ZNF596: variants seen among roughly 807,000 people sequenced by gnomAD.
The protein encoded by ZNF596 is zinc finger protein 596.
Under a neutral mutation model 48.3 loss-of-function variants are expected in ZNF596, and 45 were observed. The observed-to-expected ratio is 0.93, with a 90% CI of 0.73 to 1.19. ZNF596 has a LOEUF of 1.19. ZNF596 is among the 50% of genes most tolerant of loss of function. The probability of loss-of-function intolerance (pLI) is 0.00; values close to 1 mark genes in which losing one functional copy is unlikely to be tolerated. For missense variants in ZNF596, 848 were observed against 599.7 expected (o/e 1.41, Z -4.32); for synonymous variants, 270 against 202.0 (o/e 1.34, Z -2.85).
chr8:232,570 C>T lies in ZNF596; in HGVS notation c.-197C>T. 6.3e-6 allele frequency: 2 copies of T among 319,246 alleles called. No homozygotes were observed. The highest frequency in any genetic ancestry group is 1.3e-5 in the Non-Finnish European group (2 of 155,694). 19.8% of individuals were successfully genotyped at this position (319,246 alleles called of 1,614,324 possible). On this transcript the variant is annotated 5_prime_UTR_variant, in exon 1 of 6. The change creates a premature stop within an existing upstream ORF in the 5' untranslated region. Coordinates refer to ENST00000398612, the MANE Select transcript of ZNF596 (RefSeq NM_001042416.3). ...AGTCCCGCGACGCCCGGAAATGCTC[C>T]GAAGCCTGTCGCCCAGCTGCCAGAT... is the stretch of plus-strand genomic sequence containing the variant.
chr8:243,291 T>G, intron 3 of ZNF596: 1 of 318,942 alleles, frequency 3.1e-6, no homozygotes, highest in Non-Finnish European at 5.8e-6. Flanking sequence ...AAAGTTATGG[T>G]AATTCACTGC....
At chr8:236,125 T>C (rs1464451389) in intron 1 of ZNF596, among the ~76,000 whole-genome samples, 1 of 152,236 alleles carries the variant, frequency 6.6e-6, no homozygotes. Context: ...TCATTAAGTT[T>C]TAAAATTTAT....
chr8:234,455 TAAAG>T (rs927596117), intron 1 of ZNF596: 1 of 152,172 alleles, frequency 6.6e-6, no homozygotes, highest in African/African-American at 2.4e-5. Context: ...GTGGTTGTGG[TAAAG>T]AAAGAGGGTG....
chr8:237,907 A>G (rs1796683933), intron 1 of ZNF596, among the ~76,000 whole-genome samples: 2 of 152,210 alleles, frequency 1.3e-5, no homozygotes, highest in East Asian at 3.9e-4. Flanking sequence ...CTTCCTAGGC[A>G]CCATGAGGTC....
At chr8:238,665 G>A (rs934207554) in intron 1 of ZNF596, among the ~76,000 whole-genome samples, 8 of 149,154 alleles carry the variant, frequency 5.4e-5, no homozygotes, top group Non-Finnish European at 1.2e-4. Flanking sequence ...AAATTAGCTG[G>A]TCGTGGTGAC....
intron 5 of ZNF596, 75 bp downstream of exon 5, chr8:244,776 G>GTCAGGTACCT: frequency 8.1e-7 from 1 of 1,227,286 alleles, no homozygotes; most frequent in Non-Finnish European, 1.2e-6. Context: ...ATTTGGTACA[G>GTCAGGTACCT]GTACCTGACT....
At chr8:232,896 A>G in intron 1 of ZNF596, 1 of 468,150 alleles carries the variant, frequency 2.1e-6, no homozygotes, top group South Asian at 1.6e-5. Context: ...AGACTGGGGT[A>G]GGGGACCTGC....
rs752756417 is a variant in ZNF596, at chr8:242,918, A to G, written c.44A>G (p.Asp15Gly). The G allele has an allele frequency of 1.1e-5, 18 of 1,595,630 alleles. No individual in the cohort carries two copies. The Middle Eastern group carries it at 6.7e-4, about 59-fold the overall frequency. ...DSMTFEDIIV[D>G]FTQEEWALLD... ...ATGACCTTCGAGGATATCATTGTAG[A>G]CTTCACTCAAGAAGAGTGGGCCCTG... Residue 15 changes from aspartate to glycine, a missense_variant, in exon 3 of 6, where the codon GAC (aspartate) becomes GGC (glycine). Physicochemically the swap from Asp to Gly is moderately conservative, Grantham distance 94. Coordinates refer to ENST00000398612, the MANE Select transcript of ZNF596 (RefSeq NM_001042416.3).
At chr8:244,497 T>A in intron 4 of ZNF596, 122 bp from the exon 5 acceptor site, 5 of 695,476 alleles carry the variant, frequency 7.2e-6, no homozygotes, top group Non-Finnish European at 1.0e-5. Flanking sequence ...AAAGTATGGT[T>A]AATTTAACAT....
intron 2 of ZNF596, 33 bp from the exon 3 acceptor site, chr8:242,854 C>T: frequency 4.8e-6 from 7 of 1,457,906 alleles, no homozygotes; most frequent in South Asian, 4.7e-5. Flanking sequence ...CAGAGATAGC[C>T]CTGTTTGCAG....
At chr8:233,124 G>C in intron 1 of ZNF596, 1 of 468,460 alleles carries the variant, frequency 2.1e-6, no homozygotes, top group African/African-American at 2.1e-5. Context: ...GGGAAGTTTA[G>C]ATGGGAAGTG....
At chr8:239,775 A>T (rs572335546) in intron 1 of ZNF596, among the ~76,000 whole-genome samples, 35 of 152,188 alleles carry the variant, frequency 2.3e-4, no homozygotes, top group African/African-American at 7.5e-4. Context: ...GGTGTTCATC[A>T]AGTAGGCATA....
chr8:241,320 C>A (rs1796846436), intron 2 of ZNF596, among the ~76,000 whole-genome samples: 1 of 152,012 alleles, frequency 6.6e-6, no homozygotes, highest in Non-Finnish European at 1.5e-5. Context: ...CAAAGGCAAG[C>A]TCAGTTAGTC....
chr8:241,376 G>C (rs1796848574), intron 2 of ZNF596, among the ~76,000 whole-genome samples: 1 of 152,138 alleles, frequency 6.6e-6, no homozygotes. Context: ...TGAAGGGAAA[G>C]CAGATAGGGT....
chr8:244,532 A>G (rs1796981977), intron 4 of ZNF596, 87 bp from the exon 5 acceptor site: 1 of 871,030 alleles, frequency 1.1e-6, no homozygotes, highest in Admixed American at 2.2e-5. Flanking sequence ...TGTGTATTTG[A>G]AACACACTCA....
intron 1 of ZNF596, among the ~76,000 whole-genome samples, chr8:238,714 G>C (rs948818423): frequency 6.6e-6 from 1 of 151,536 alleles, no homozygotes; most frequent in Non-Finnish European, 1.5e-5. Context: ...GGCTGAGGCA[G>C]GAGAATCACT....
In ZNF596 at chr8:246,024, T is replaced by G; in HGVS notation, c.1177T>G (p.Cys393Gly). Residue 393 changes from cysteine (C) to glycine (G), a missense_variant, in exon 6 of 6, where the codon TGC becomes GGC. Physicochemically the swap from Cys to Gly is radical, Grantham distance 159. Transcript: ENST00000398612. Reference sequence around the variant, plus strand: ...TCACACTGGAGAGAAACCATATGAGTGCCATGTATGTGGGAAAGCCTTCAC... The same window carrying G: ...TCACACTGGAGAGAAACCATATGAGGGCCATGTATGTGGGAAAGCCTTCAC... ...RIHTGEKPYE[C>G]HVCGKAFTES... 6.2e-7 allele frequency: 1 copy of G among 1,614,068 alleles called. No homozygotes were observed. The highest frequency in any genetic ancestry group is 8.5e-7 in the Non-Finnish European group (1 of 1,180,016).
At chr8:237,364 C>A (rs1176766387) in intron 1 of ZNF596, 1 of 151,928 alleles carries the variant, frequency 6.6e-6, no homozygotes, top group Non-Finnish European at 1.5e-5. Context: ...GAATTTGTAA[C>A]AATTTGGAAA....
chr8:239,785 A>T (rs534984821), intron 1 of ZNF596, among the ~76,000 whole-genome samples: 1 of 152,192 alleles, frequency 6.6e-6, no homozygotes, highest in African/African-American at 2.4e-5. Context: ...AAGTAGGCAT[A>T]ATTGTTATTA....
Sources: gnomAD v4.1 joint callset for allele counts (sites outside exome capture counted in the v4.1 genomes callset) on GRCh38, gnomAD v4.1.1 for gene constraint, MANE v1.5 for transcripts, NCBI Gene and HGNC (gene_info 2026-07-23, HGNC 2026-07-21) for gene names.